Variants in MITF observed in about 807,000 individuals in gnomAD.
The protein encoded by MITF is microphthalmia-associated transcription factor.
MITF carries 17 observed loss-of-function variants against 60.5 expected under a neutral mutation model. That is an observed-to-expected ratio of 0.28 (90% confidence interval 0.19 to 0.42). The LOEUF (loss-of-function observed/expected upper bound fraction) is 0.42, where lower values mean the gene tolerates loss of function less well. Ranked by LOEUF, MITF falls within the 10% of genes least tolerant of loss-of-function variation. The pLI is 1.00. For synonymous variants in MITF, 260 were observed against 248.5 expected, an observed-to-expected ratio of 1.05 and a Z score of -0.43; for missense variants, 622 against 683.5, an observed-to-expected ratio of 0.91 and a Z score of 1.00.
chr3:69,956,489 C>T lies in MITF; in HGVS notation c.990C>T (p.Arg330=), dbSNP rs147883651. ...GAAGAAGATTTAACATAAATGACCG[C>T]ATTAAAGAACTAGGTACTTTGATTC... The part of the protein sequence containing the change: ...ERRRRFNIND[R]IKELGTLIPK... The change falls in exon 8 of 10, where the codon CGC becomes CGT. Residue 330 remains arginine, a synonymous_variant. Coordinates refer to ENST00000352241, the MANE Select transcript of MITF (RefSeq NM_001354604.2). The T allele has an allele frequency of 3.5e-5, 57 of 1,613,708 alleles. No homozygotes were observed. Among genetic ancestry groups the T allele is most frequent in the Admixed American group, 5.0e-5 (3 of 60,018 alleles).
Position 69,965,229 on chromosome 3 carries a change from A to G in MITF, c.1562A>G (p.Glu521Gly). The change falls in exon 10 of 10, where the codon GAG (glutamate) becomes GGG (glycine). Residue 521 changes from glutamate to glycine, a missense_variant. Glu to Gly is a moderately conservative substitution (Grantham distance 98). Around this residue, in one of 5 missense-constraint regions of MITF, gnomAD observed 224 missense variants for 209.5 expected, o/e 1.07. Coordinates refer to ENST00000352241, the MANE Select transcript of MITF (RefSeq NM_001354604.2). ...SSRRSSMSME[E>G]TEHTC ...CGGAGGAGCAGTATGAGCATGGAAG[A>G]GACGGAGCACACTTGTTAGCGAATC... The G allele has an allele frequency of 6.2e-7, 1 of 1,613,954 alleles. No individual in the cohort carries two copies. The highest frequency in any genetic ancestry group is 1.1e-5 in the South Asian group (1 of 91,090).
intron 1 of MITF, among the ~76,000 whole-genome samples, chr3:69,819,638 C>CAA (rs553917313): frequency 8.6e-6 from 1 of 116,874 alleles, no homozygotes; most frequent in African/African-American, 2.8e-5. Flanking sequence ...CAAAACAAAA[C>CAA]AAACAAACAA....
intron 1 of MITF, among the ~76,000 whole-genome samples, chr3:69,773,117 G>C (rs1239476641): frequency 6.6e-6 from 1 of 152,162 alleles, no homozygotes; most frequent in South Asian, 2.1e-4. Flanking sequence ...AGATGAGGGA[G>C]TCATGCCAGT....
intron 2 of MITF, chr3:69,936,837 G>A: frequency 2.3e-6 from 3 of 1,292,968 alleles, no homozygotes; most frequent in South Asian, 2.5e-5. Context: ...TATTGTAATA[G>A]ACATACTGTT....
intron 2 of MITF, among the ~76,000 whole-genome samples, chr3:69,905,532 A>G (rs762930370): frequency 3.9e-5 from 6 of 152,080 alleles, no homozygotes; most frequent in Non-Finnish European, 7.4e-5. Flanking sequence ...TAGTAGACAT[A>G]TATTTAACTT....
chr3:69,847,377 A>G (rs2063750309), intron 1 of MITF, among the ~76,000 whole-genome samples: 1 of 152,226 alleles, frequency 6.6e-6, no homozygotes, highest in African/African-American at 2.4e-5. Flanking sequence ...AGGACACACT[A>G]GAACTAGAGG....
intron 1 of MITF, among the ~76,000 whole-genome samples, chr3:69,786,297 A>G (rs2062647839): frequency 6.6e-6 from 1 of 152,210 alleles, no homozygotes; most frequent in Non-Finnish European, 1.5e-5. Flanking sequence ...GACCTTTGTC[A>G]GTGGCTTCCT....
At chr3:69,798,730 G>A (rs1575730970) in intron 1 of MITF, among the ~76,000 whole-genome samples, 1 of 152,198 alleles carries the variant, frequency 6.6e-6, no homozygotes, top group African/African-American at 2.4e-5. Context: ...TAGTGCTTTA[G>A]CAACAGTGGA....
Position 69,739,669 on chromosome 3 carries a change from T to C in MITF, c.72T>C (p.Tyr24=). The C allele has an allele frequency of 6.3e-7, 1 of 1,581,084 alleles. No individual in the cohort carries two copies. The highest frequency in any genetic ancestry group is 2.3e-5 in the East Asian group (1 of 43,926). Residue 24 remains tyrosine, a synonymous_variant, in exon 1 of 10, where the codon TAT becomes TAC. Coordinates refer to ENST00000352241, the MANE Select transcript of MITF (RefSeq NM_001354604.2). The part of the protein sequence containing the change: ...GEEFHEEPKT[Y]YELKSQPLKS... ...AGTTTCATGAAGAGCCCAAAACCTA[T>C]TACGAACTCAAAAGTCAACCGCTGA... is the stretch of plus-strand genomic sequence containing the variant.
chr3:69,930,134 C>T (rs1353388573), intron 2 of MITF, among the ~76,000 whole-genome samples: 2 of 152,100 alleles, frequency 1.3e-5, no homozygotes, highest in Non-Finnish European at 1.5e-5. Context: ...TGAGAGTCTG[C>T]AGTCCTCCAA....
intron 5 of MITF, among the ~76,000 whole-genome samples, chr3:69,944,007 T>C (rs1205760452): frequency 2.0e-5 from 3 of 152,044 alleles, no homozygotes; most frequent in Non-Finnish European, 4.4e-5. Context: ...GATGGGAGGA[T>C]CACTTGAGAC....
chr3:69,833,364 A>G (rs1440324129), intron 1 of MITF, among the ~76,000 whole-genome samples: 3 of 149,148 alleles, frequency 2.0e-5, no homozygotes, highest in African/African-American at 7.5e-5. Context: ...TTGTTTTTCT[A>G]TTTACACTGT....
rs552318114 is a variant in MITF at position 69,938,854 on chromosome 3, G to A, written c.583-244G>A. On this transcript the variant is annotated intron_variant, in intron 3 of 9. Transcript: ENST00000352241. ...AGAGTTGGATTGATTTTAATTTCTA[G>A]AGGGACTAAAATCTTTGCCCCTATG... The A allele has an allele frequency of 7.0e-6, 10 of 1,425,158 alleles. No homozygotes were observed. In the African/African-American group the frequency reaches 1.1e-4, roughly 16 times the overall value. 88.3% of individuals were successfully genotyped at this position (1,425,158 alleles called of 1,614,324 possible). A position where few individuals can be genotyped will look rare whatever the true frequency, so the allele number is the denominator to read the frequency against.
chr3:69,897,543 T>C (rs924307596), intron 2 of MITF, among the ~76,000 whole-genome samples: 4 of 152,226 alleles, frequency 2.6e-5, no homozygotes, highest in Non-Finnish European at 5.9e-5. Context: ...GTCATGCTGA[T>C]TTATTTTCAT....
At chr3:69,788,167 G>A (rs984792101) in intron 1 of MITF, among the ~76,000 whole-genome samples, 1 of 150,600 alleles carries the variant, frequency 6.6e-6, no homozygotes, top group African/African-American at 2.4e-5. Context: ...TAAGTTTTAG[G>A]GTACATGTGC....
intron 8 of MITF, among the ~76,000 whole-genome samples, chr3:69,957,814 G>T (rs555428219): frequency 1.3e-5 from 2 of 152,312 alleles, no homozygotes; most frequent in East Asian, 3.9e-4. Flanking sequence ...AATCTGAACT[G>T]ATAATGATCT....
intron 8 of MITF, among the ~76,000 whole-genome samples, chr3:69,958,186 C>T (rs1258761347): frequency 6.6e-6 from 1 of 152,202 alleles, no homozygotes; most frequent in Non-Finnish European, 1.5e-5. Flanking sequence ...CTTCAAATAT[C>T]CCAATTCTGA....
intron 1 of MITF, among the ~76,000 whole-genome samples, chr3:69,867,473 T>G (rs924269019): frequency 1.3e-5 from 2 of 152,148 alleles, no homozygotes; most frequent in Admixed American, 1.3e-4. Context: ...GCAGTTTGTT[T>G]TAACAGATAC....
intron 2 of MITF, among the ~76,000 whole-genome samples, chr3:69,921,676 T>C (rs753961096): frequency 2.6e-5 from 4 of 152,144 alleles, no homozygotes; most frequent in Non-Finnish European, 5.9e-5. Context: ...TTGATAACTG[T>C]GAATATCAGA....
Sources: gnomAD v4.1 joint callset for allele counts (sites outside exome capture counted in the v4.1 genomes callset) on GRCh38, gnomAD v4.1.1 for gene constraint, gnomAD v4.1.1 regional missense constraint, MANE v1.5 for transcripts, NCBI Gene and HGNC (gene_info 2026-07-23, HGNC 2026-07-21) for gene names.